EPS15: variants seen among roughly 807,000 people sequenced by gnomAD.
EPS15 encodes the protein epidermal growth factor receptor substrate 15.
A neutral mutation model predicts 113.8 loss-of-function variants in EPS15; 72 were observed. The ratio of observed to expected loss-of-function variants is 0.63; its 90% CI spans 0.52 to 0.77. EPS15 has a LOEUF of 0.77. Ranked by LOEUF, EPS15 falls within the 30% of genes least tolerant of loss-of-function variation. The pLI, the probability that EPS15 is intolerant of heterozygous loss-of-function variation, is 0.00. For synonymous variants in EPS15, 344 were observed against 363.4 expected (o/e 0.95, Z 0.61); for missense variants, 1,048 against 1,045.8 (o/e 1.00, Z -0.03).
rs1646195707 is a variant in EPS15 at position 51,355,304 on chromosome 1, AC to A, written c.*1395del. 4.6e-6 allele frequency: 1 copy of A among 217,628 alleles called. No individual in the cohort carries two copies. Among genetic ancestry groups the A allele is most frequent in the African/African-American group, 2.3e-5 (1 of 44,436 alleles). The allele number at this position is 217,628 out of a possible 1,614,324, so 13.5% of individuals were successfully genotyped here. A position where few individuals can be genotyped will look rare whatever the true frequency, so the allele number is the denominator to read the frequency against. On this transcript the variant is annotated 3_prime_UTR_variant, in exon 25 of 25. Transcript: ENST00000371733. ...GTTACTCAGATTAACACAGATCAAT[AC>A]CACCTTGACTTGTTGACCCAGAGAA... is the stretch of plus-strand genomic sequence containing the variant.
intron 1 of EPS15, among the ~76,000 whole-genome samples, chr1:51,484,226 A>G (rs1210954920): frequency 6.6e-6 from 1 of 152,024 alleles, no homozygotes; most frequent in Non-Finnish European, 1.5e-5. Flanking sequence ...CCAGCATCCC[A>G]TTCAGCTTAA....
At chr1:51,377,988 T>C (rs972118473) in intron 21 of EPS15, among the ~76,000 whole-genome samples, 8 of 151,032 alleles carry the variant, frequency 5.3e-5, no homozygotes, top group African/African-American at 1.9e-4. Context: ...CTCAGCCTCC[T>C]GGGTTCAAGC....
At chr1:51,386,881 T>C (rs1466386597) in intron 21 of EPS15, among the ~76,000 whole-genome samples, 5 of 152,134 alleles carry the variant, frequency 3.3e-5, no homozygotes, top group African/African-American at 9.7e-5. Context: ...TGGAACCAAG[T>C]TGGAAAACAC....
intron 20 of EPS15, among the ~76,000 whole-genome samples, chr1:51,396,603 G>C (rs960197975): frequency 6.6e-6 from 1 of 152,118 alleles, no homozygotes; most frequent in South Asian, 2.1e-4. Flanking sequence ...CAAGGAGAAA[G>C]GGAAAGGGCA....
intron 16 of EPS15, among the ~76,000 whole-genome samples, chr1:51,404,102 T>C (rs987064961): frequency 2.0e-5 from 3 of 152,002 alleles, no homozygotes; most frequent in African/African-American, 7.3e-5. Context: ...ATCCCAGCAC[T>C]TTGGGAGGCC....
chr1:51,470,670 A>AAAAAAAAAAAAAAG (rs1655174582), intron 4 of EPS15, among the ~76,000 whole-genome samples: 1 of 135,872 alleles, frequency 7.4e-6, no homozygotes, highest in Non-Finnish European at 1.6e-5. Flanking sequence ...AAAAAAAAAA[A>AAAAAAAAAAAAAAG]TCTATGCTTC....
At chr1:51,473,995 G>C (rs956003854) in intron 2 of EPS15, among the ~76,000 whole-genome samples, 1 of 152,158 alleles carries the variant, frequency 6.6e-6, no homozygotes, top group South Asian at 2.1e-4. Context: ...TTCCTGATCA[G>C]CATACAAAAC....
chr1:51,361,398 C>A, intron 23 of EPS15, 43 bp from the exon 24 acceptor site: 1 of 1,441,240 alleles, frequency 6.9e-7, no homozygotes, highest in Non-Finnish European at 9.7e-7. Context: ...GTAAATACAG[C>A]AAATACAAGC....
intron 12 of EPS15, among the ~76,000 whole-genome samples, chr1:51,434,891 C>T (rs968111059): frequency 6.6e-5 from 10 of 151,990 alleles, no homozygotes; most frequent in East Asian, 3.9e-4. Context: ...AGGCTGGTCT[C>T]GAACTCCTGA....
In EPS15 at chr1:51,463,720, T is replaced by G. The variant is rs148432139; in HGVS notation, c.454A>C (p.Lys152Gln). ...AACTTAGAGTTGAGCAACACTGGTT[T>G]CACTTTATCACCAGACAGAAATCCA... ...VNGFLSGDKVKPVLLNSKLPV... is the reference protein window; with the variant it reads ...VNGFLSGDKVQPVLLNSKLPV... The change falls in exon 7 of 25, where the codon AAA (lysine) becomes CAA (glutamine). Residue 152 changes from lysine to glutamine, a missense_variant. Lys to Gln is a moderately conservative substitution (Grantham distance 53). Coordinates refer to ENST00000371733, the MANE Select transcript of EPS15 (RefSeq NM_001981.3). 1 of 1,599,806 alleles carries G rather than the reference T, an allele frequency of 6.3e-7. No homozygotes were observed. The highest frequency in any genetic ancestry group is 1.3e-5 in the African/African-American group (1 of 74,612).
intron 1 of EPS15, among the ~76,000 whole-genome samples, chr1:51,483,288 C>T (rs1196186336): frequency 3.3e-5 from 5 of 152,046 alleles, no homozygotes; most frequent in Non-Finnish European, 1.5e-5. Flanking sequence ...TATAATTGTA[C>T]TATTTCACTA....
chr1:51,496,719 TTC>T (rs1487125511), intron 1 of EPS15, among the ~76,000 whole-genome samples: 1 of 152,218 alleles, frequency 6.6e-6, no homozygotes, highest in African/African-American at 2.4e-5. Context: ...TACTGCAGTT[TTC>T]TGTTACATTT....
intron 21 of EPS15, 63 bp from the exon 22 acceptor site, chr1:51,366,092 A>G (rs1646502406): frequency 8.8e-7 from 1 of 1,137,352 alleles, no homozygotes; most frequent in Non-Finnish European, 1.3e-6. Flanking sequence ...TTTGAGACAG[A>G]GTCTCACTCT....
chr1:51,371,040 G>A lies in EPS15; in HGVS notation c.2120-5011C>T, dbSNP rs147648483. Among the ~76,000 whole-genome samples, 505 of 151,876 alleles carry A rather than the reference G, an allele frequency of 3.3e-3. 1 individual carries two copies. Among genetic ancestry groups the A allele is most frequent in the African/African-American group, 0.012 (487 of 41,402 alleles). Reference sequence around the variant, plus strand: ...AAGCGATTCTTGTGCCTCAGCCTCCGAGTAGCTTGCATTACAGGTGTATGC... The same window carrying A: ...AAGCGATTCTTGTGCCTCAGCCTCCAAGTAGCTTGCATTACAGGTGTATGC... On this transcript the variant is annotated intron_variant, in intron 21 of 24. Coordinates refer to ENST00000371733, the MANE Select transcript of EPS15 (RefSeq NM_001981.3).
chr1:51,473,793 A>G (rs1655410780), intron 2 of EPS15, among the ~76,000 whole-genome samples: 1 of 152,216 alleles, frequency 6.6e-6, no homozygotes, highest in African/African-American at 2.4e-5. Context: ...TGTACAAAGC[A>G]TTCTAGACAG....
intron 1 of EPS15, among the ~76,000 whole-genome samples, chr1:51,505,412 G>T (rs1184684503): frequency 1.3e-5 from 2 of 152,146 alleles, no homozygotes; most frequent in Non-Finnish European, 2.9e-5. Context: ...GTGATAGAAG[G>T]CAGTCATAAG....
rs17106573 is a variant in EPS15 at position 51,438,698 on chromosome 1, A to G, written c.1040+1649T>C. Among the ~76,000 whole-genome samples, 1,204 of 152,290 alleles carry G rather than the reference A, an allele frequency of 7.9e-3. 18 individuals are homozygous for G. Among genetic ancestry groups the G allele is most frequent in the African/African-American group, 0.028 (1,159 of 41,562 alleles). On this transcript the variant is annotated intron_variant, in intron 12 of 24. Coordinates refer to ENST00000371733, the MANE Select transcript of EPS15 (RefSeq NM_001981.3). ...TGGACCACATGAAAATGAACAGTAT[A>G]AACACCATTATAGGTTCAGTAATTG...
At chr1:51,379,280 C>T (rs12144036) in intron 21 of EPS15, among the ~76,000 whole-genome samples, 11 of 152,080 alleles carry the variant, frequency 7.2e-5, no homozygotes, top group African/African-American at 2.2e-4. Flanking sequence ...CCACCACGCC[C>T]GGATAATTTT....
At chr1:51,446,163 T>C (rs1007046961) in intron 10 of EPS15, among the ~76,000 whole-genome samples, 2 of 152,214 alleles carry the variant, frequency 1.3e-5, no homozygotes, top group African/African-American at 4.8e-5. Context: ...GTTAGGTGGA[T>C]TGGCGGCAGA....
Sources: gnomAD v4.1 joint callset for allele counts (sites outside exome capture counted in the v4.1 genomes callset) on GRCh38, gnomAD v4.1.1 for gene constraint, MANE v1.5 for transcripts, NCBI Gene and HGNC (gene_info 2026-07-23, HGNC 2026-07-21) for gene names.